Variants in KDM5B observed in about 807,000 individuals in gnomAD.
The protein encoded by KDM5B is lysine demethylase 5B.
KDM5B carries 144 observed loss-of-function variants against 193.4 expected under a neutral mutation model. That is an observed-to-expected ratio of 0.74 (90% CI 0.65 to 0.86). The LOEUF (loss-of-function observed/expected upper bound fraction) is 0.86. KDM5B is among the 40% of genes least tolerant of loss of function. KDM5B has a pLI of 0.00. For missense variants in KDM5B, 1,833 were observed against 1,886.9 expected (o/e 0.97, Z 0.53); for synonymous variants, 668 against 682.6 (o/e 0.98, Z 0.33).
chr1:202,799,693 AC>A (rs1378338752), intron 1 of KDM5B, among the ~76,000 whole-genome samples: 1 of 152,176 alleles, frequency 6.6e-6, no homozygotes, highest in African/African-American at 2.4e-5. Context: ...AAAGAAAAAA[AC>A]GTGATAAATA....
At chr1:202,788,407 G>T (rs1572769783) in intron 1 of KDM5B, among the ~76,000 whole-genome samples, 1 of 152,148 alleles carries the variant, frequency 6.6e-6, no homozygotes, top group Non-Finnish European at 1.5e-5. Context: ...AAATACTTGG[G>T]AATGCAAAGC....
chr1:202,771,909 A>G (rs774125127), intron 4 of KDM5B, among the ~76,000 whole-genome samples: 5 of 152,058 alleles, frequency 3.3e-5, no homozygotes, highest in Admixed American at 6.6e-5. Context: ...AATTTCATCC[A>G]TGGGCTCACT....
chr1:202,769,468 G>A (rs989571041), intron 4 of KDM5B, among the ~76,000 whole-genome samples: 5 of 151,054 alleles, frequency 3.3e-5, no homozygotes, highest in African/African-American at 9.7e-5. Flanking sequence ...TCAGGAGTTC[G>A]AAACCAGCTT....
At chr1:202,803,154 A>G (rs1054867784) in intron 1 of KDM5B, among the ~76,000 whole-genome samples, 28 of 148,496 alleles carry the variant, frequency 1.9e-4, no homozygotes, top group African/African-American at 6.9e-4. Flanking sequence ...GAGTGAGATT[A>G]AAAAAAAAAG....
intron 1 of KDM5B, among the ~76,000 whole-genome samples, chr1:202,802,987 T>C (rs1288543549): frequency 6.6e-6 from 1 of 151,908 alleles, no homozygotes; most frequent in Non-Finnish European, 1.5e-5. Flanking sequence ...GCGGGAGAAC[T>C]GCTTGAAGCC....
At chr1:202,743,829 T>C (rs191984147) in intron 16 of KDM5B, among the ~76,000 whole-genome samples, 1 of 152,280 alleles carries the variant, frequency 6.6e-6, no homozygotes, top group East Asian at 1.9e-4. Flanking sequence ...TTACACCATA[T>C]ACAAAAATTA....
chr1:202,753,858 C>A (rs142750169), intron 11 of KDM5B, among the ~76,000 whole-genome samples: 1 of 151,682 alleles, frequency 6.6e-6, no homozygotes, highest in South Asian at 2.1e-4. Context: ...TTAGTGGACA[C>A]GGGGTTTCAC....
chr1:202,741,343 A>T, intron 19 of KDM5B, 24 bp downstream of exon 19: 1 of 1,492,336 alleles, frequency 6.7e-7, no homozygotes, highest in Non-Finnish European at 9.0e-7. Context: ...ACCTTCCCAA[A>T]GAAAGAGAAG....
intron 1 of KDM5B, among the ~76,000 whole-genome samples, chr1:202,788,987 C>T (rs1657526324): frequency 6.6e-6 from 1 of 152,064 alleles, no homozygotes; most frequent in African/African-American, 2.4e-5. Flanking sequence ...CCCAACCTTG[C>T]CTAAGCAACA....
At chr1:202,736,804 A>G (rs1032807243) in intron 20 of KDM5B, among the ~76,000 whole-genome samples, 6 of 151,960 alleles carry the variant, frequency 3.9e-5, no homozygotes, top group African/African-American at 1.2e-4. Flanking sequence ...ACCACGCCCA[A>G]CTAATTTTTA....
chr1:202,799,619 T>G lies in KDM5B; in HGVS notation c.204+8483A>C, dbSNP rs1455523259. The stretch of plus-strand genomic sequence containing the variant: ...GGTGAGCCGAGATCACGCCACTGCA[T>G]GCACTCCAGCCTGGGTGACAAGCGT... On this transcript the variant is annotated intron_variant, in intron 1 of 26. Transcript: ENST00000367265. Among the ~76,000 whole-genome samples the G allele has an allele frequency of 4.0e-5, 6 of 149,422 alleles. No individual in the cohort carries two copies. In the East Asian group the frequency reaches 1.2e-3, roughly 29 times the overall value.
chr1:202,739,573 A>T (rs1427043983), intron 20 of KDM5B, among the ~76,000 whole-genome samples: 9 of 151,888 alleles, frequency 5.9e-5, no homozygotes. Flanking sequence ...GTCAGCAGAT[A>T]AACAAGTGAA....
chr1:202,763,903 C>T (rs1429457581), intron 6 of KDM5B, 146 bp downstream of exon 6: 1 of 559,668 alleles, frequency 1.8e-6, no homozygotes, highest in Non-Finnish European at 3.1e-6. Flanking sequence ...TTTCTCAAAG[C>T]CCAACCCAGT....
intron 1 of KDM5B, among the ~76,000 whole-genome samples, chr1:202,794,489 A>T (rs1657760230): frequency 6.6e-6 from 1 of 152,260 alleles, no homozygotes; most frequent in Non-Finnish European, 1.5e-5. Flanking sequence ...AGCCAGTGAG[A>T]TGGCAAAAAT....
intron 20 of KDM5B, among the ~76,000 whole-genome samples, chr1:202,740,169 G>T (rs1206936951): frequency 1.4e-5 from 2 of 147,430 alleles, no homozygotes; most frequent in Non-Finnish European, 3.0e-5. Flanking sequence ...TCACTTCCCA[G>T]TAGGGGCGGC....
At chr1:202,750,153 C>T (rs1454929220) in intron 13 of KDM5B, among the ~76,000 whole-genome samples, 1 of 152,226 alleles carries the variant, frequency 6.6e-6, no homozygotes, top group Non-Finnish European at 1.5e-5. Flanking sequence ...CTGAACTAAG[C>T]AGTATGCTTA....
Position 202,764,099 on chromosome 1 carries a change from G to A in KDM5B, c.758C>T (p.Thr253Ile), listed in dbSNP as rs939608067. The A allele has an allele frequency of 1.3e-6, 2 of 1,588,292 alleles. No individual in the cohort carries two copies. The highest frequency in any genetic ancestry group is 1.7e-6 in the Non-Finnish European group (2 of 1,169,702). ...IEPEETTEAR[T>I]HNLRRRMGCP... ...ACCCATTCGACGTCTCAGATTATGA[G>A]TTCTGGCTTCCGTTGTCTCCTCGGG... Residue 253 changes from threonine (T) to isoleucine (I), a missense_variant, in exon 6 of 27, where the codon ACT becomes ATT. Physicochemically the swap from Thr to Ile is moderately conservative, Grantham distance 89 (BLOSUM62 -1). Around this residue, in one of 3 missense-constraint regions of KDM5B, gnomAD observed 355 missense variants for 374.9 expected, o/e 0.95. Coordinates refer to ENST00000367265, the MANE Select transcript of KDM5B (RefSeq NM_006618.5).
At chr1:202,746,689 G>A (rs1655574873) in intron 14 of KDM5B, 1 of 164,108 alleles carries the variant, frequency 6.1e-6, no homozygotes, top group Admixed American at 6.4e-5. Context: ...AAAGGAATAT[G>A]TTTCCTACTT....
At chr1:202,795,867 T>C (rs555150668) in intron 1 of KDM5B, among the ~76,000 whole-genome samples, 4 of 152,160 alleles carry the variant, frequency 2.6e-5, no homozygotes, top group Admixed American at 1.3e-4. Flanking sequence ...GAGTCAGTCT[T>C]GGTGCAAGGT....
Sources: allele counts gnomAD v4.1 joint callset (sites outside exome capture counted in the v4.1 genomes callset), GRCh38; gene constraint gnomAD v4.1.1; regional missense constraint gnomAD v4.1.1; transcripts MANE v1.5; gene names NCBI Gene and HGNC (gene_info 2026-07-23, HGNC 2026-07-21).